RAPGEF2: variants seen among roughly 807,000 people sequenced by gnomAD.
RAPGEF2 encodes PDZ domain containing guanine nucleotide exchange factor (GEF) 1.
Under a neutral mutation model 186.7 loss-of-function variants are expected in RAPGEF2, and 54 were observed. The observed-to-expected ratio is 0.29, with a 90% CI of 0.23 to 0.36. RAPGEF2 has a LOEUF of 0.36. Among genes scored for constraint, RAPGEF2 ranks in the 10% least tolerant of loss-of-function variants. RAPGEF2 has a pLI of 1.00. For missense variants in RAPGEF2, 1,532 were observed against 2,045.0 expected, an observed-to-expected ratio of 0.75 and a Z score of 4.84; for synonymous variants, 712 against 705.9, an observed-to-expected ratio of 1.01 and a Z score of -0.14.
chr4:159,353,349 A>G lies in RAPGEF2; in HGVS notation c.4092-138A>G. On this transcript the variant is annotated intron_variant, in intron 27 of 29. Coordinates refer to ENST00000691494, the MANE Select transcript of RAPGEF2 (RefSeq NM_001394067.2). The surrounding 1 kb of genome is among the most constrained non-coding windows in gnomAD (Gnocchi z 4.3). ...TGGCAGAACTGGCCAATATAAGGCA[A>G]TTCAGTGCTACTTTTATCCTGTTTC... The G allele has an allele frequency of 1.6e-6, 1 of 619,760 alleles. No homozygotes were observed. Among genetic ancestry groups the G allele is most frequent in the Non-Finnish European group, 2.5e-6 (1 of 400,160 alleles). The allele number at this position is 619,760 out of a possible 1,614,324, so 38.4% of individuals were successfully genotyped here.
intron 1 of RAPGEF2, among the ~76,000 whole-genome samples, chr4:159,104,512 G>GAGAGAGAC (rs1737591844): frequency 7.7e-6 from 1 of 130,468 alleles, no homozygotes; most frequent in Non-Finnish European, 1.6e-5. Flanking sequence ...GAGAGAGAGA[G>GAGAGAGAC]AGAGAGAGAG....
intron 1 of RAPGEF2, among the ~76,000 whole-genome samples, chr4:159,122,618 G>T (rs184312683): frequency 6.6e-6 from 1 of 152,220 alleles, no homozygotes; most frequent in East Asian, 1.9e-4. Context: ...TTGTGCATAC[G>T]GTACTACTGT....
Position 159,358,148 on chromosome 4 carries a change from CT to C in RAPGEF2, c.*13del. The stretch of plus-strand genomic sequence containing the variant: ...AAGTTTCTGCTGTTTGAGGCACAGA[CT>C]TTTCTGGAAGCAGAGCGAGCCACCT... On this transcript the variant is annotated 3_prime_UTR_variant, in exon 30 of 30. Coordinates refer to ENST00000691494, the MANE Select transcript of RAPGEF2 (RefSeq NM_001394067.2). 6.2e-7 allele frequency: 1 copy of C among 1,610,954 alleles called. No individual in the cohort carries two copies. The highest frequency in any genetic ancestry group is 1.1e-5 in the South Asian group (1 of 90,204).
intron 1 of RAPGEF2, chr4:159,128,795 C>A (rs978180340): frequency 6.7e-6 from 1 of 148,700 alleles, no homozygotes; most frequent in Non-Finnish European, 1.5e-5. Context: ...GAAGCTGAAC[C>A]AAAAGTTCTT....
chr4:159,299,817 TTAAA>T (rs1398412179), intron 7 of RAPGEF2, among the ~76,000 whole-genome samples: 2 of 152,036 alleles, frequency 1.3e-5, no homozygotes, highest in African/African-American at 4.8e-5. Flanking sequence ...TTATAGAGAC[TTAAA>T]TAATGTGTAG....
At chr4:159,140,616 T>C (rs1742210270) in intron 1 of RAPGEF2, among the ~76,000 whole-genome samples, 1 of 152,130 alleles carries the variant, frequency 6.6e-6, no homozygotes, top group African/African-American at 2.4e-5. Flanking sequence ...CTGTTCTAAT[T>C]ACCGGGGGAT....
At chr4:159,168,844 G>T (rs1310185938) in intron 1 of RAPGEF2, among the ~76,000 whole-genome samples, 3 of 152,180 alleles carry the variant, frequency 2.0e-5, no homozygotes, top group Admixed American at 6.5e-5. Flanking sequence ...TAGAAGAGAA[G>T]AATATATGTG....
chr4:159,295,543 A>G (rs958483068), intron 7 of RAPGEF2, among the ~76,000 whole-genome samples: 2 of 152,148 alleles, frequency 1.3e-5, no homozygotes, highest in African/African-American at 4.8e-5. Context: ...CCGTGTTTCT[A>G]TGGAAACTTG....
chr4:159,317,487 A>G (rs1345354831), intron 9 of RAPGEF2, among the ~76,000 whole-genome samples: 1 of 152,170 alleles, frequency 6.6e-6, no homozygotes, highest in Non-Finnish European at 1.5e-5. Flanking sequence ...GGGCTGATGG[A>G]AGCAGGGGAG....
intron 7 of RAPGEF2, among the ~76,000 whole-genome samples, chr4:159,281,431 G>T (rs1759687204): frequency 6.6e-6 from 1 of 151,944 alleles, no homozygotes; most frequent in Admixed American, 6.5e-5. Context: ...CACTTTGGGA[G>T]GCTGAGGCAG....
At chr4:159,229,521 C>T (rs1343871456) in intron 4 of RAPGEF2, 5 of 152,134 alleles carry the variant, frequency 3.3e-5, no homozygotes, top group Non-Finnish European at 7.4e-5. Context: ...TGGGTATTTA[C>T]GAAAACTAGG....
chr4:159,251,952 C>T (rs552102718), intron 7 of RAPGEF2, among the ~76,000 whole-genome samples: 230 of 152,162 alleles, frequency 1.5e-3, no homozygotes, highest in African/African-American at 4.9e-3. Context: ...ACACTCACCG[C>T]GGAGGTCTGC....
intron 4 of RAPGEF2, among the ~76,000 whole-genome samples, chr4:159,234,998 G>C (rs1753083344): frequency 6.6e-6 from 1 of 152,158 alleles, no homozygotes; most frequent in South Asian, 2.1e-4. Context: ...AACCTCAAGT[G>C]TTCTGCCCAC....
At chr4:159,152,060 A>G (rs1334183344) in intron 1 of RAPGEF2, among the ~76,000 whole-genome samples, 1 of 152,310 alleles carries the variant, frequency 6.6e-6, no homozygotes, top group Non-Finnish European at 1.5e-5. Context: ...GATGGTTCAC[A>G]CCTATAATTC....
At chr4:159,145,159 C>T (rs942696968) in intron 1 of RAPGEF2, among the ~76,000 whole-genome samples, 1 of 151,892 alleles carries the variant, frequency 6.6e-6, no homozygotes, top group Non-Finnish European at 1.5e-5. Flanking sequence ...GGGATTACAG[C>T]CGTGAGCCAC....
At chr4:159,355,411 A>C (rs1383259550) in intron 28 of RAPGEF2, among the ~76,000 whole-genome samples, 1 of 152,182 alleles carries the variant, frequency 6.6e-6, no homozygotes, top group Non-Finnish European at 1.5e-5. Flanking sequence ...AATGCCCAGA[A>C]AGAGGGCAGA....
At chr4:159,245,126 T>C (rs758061502) in intron 7 of RAPGEF2, among the ~76,000 whole-genome samples, 1 of 152,044 alleles carries the variant, frequency 6.6e-6, no homozygotes, top group South Asian at 2.1e-4. Flanking sequence ...TGAGTTATGA[T>C]GTATACTTTA....
chr4:159,265,975 G>A (rs1361230024), intron 7 of RAPGEF2, among the ~76,000 whole-genome samples: 1 of 152,212 alleles, frequency 6.6e-6, no homozygotes. Flanking sequence ...TCCATGGGAT[G>A]AGGAATGGTG....
At chr4:159,289,065 A>G (rs530328558) in intron 7 of RAPGEF2, among the ~76,000 whole-genome samples, 3 of 151,956 alleles carry the variant, frequency 2.0e-5, no homozygotes, top group African/African-American at 7.2e-5. Flanking sequence ...TTTTTTTAAA[A>G]TTTTTTATTG....
Sources: gnomAD v4.1 joint callset for allele counts (sites outside exome capture counted in the v4.1 genomes callset) on GRCh38, gnomAD v4.1.1 for gene constraint, Gnocchi (gnomAD v3.1) non-coding constraint, MANE v1.5 for transcripts, NCBI Gene and HGNC (gene_info 2026-07-23, HGNC 2026-07-21) for gene names.